Variants in DIP2C observed in about 807,000 individuals in gnomAD.
The protein encoded by DIP2C is disco-interacting protein 2 homolog C.
DIP2C carries 33 observed loss-of-function variants against 192.4 expected under a neutral mutation model. The observed-to-expected ratio is 0.17, with a 90% confidence interval of 0.13 to 0.23. DIP2C has a LOEUF of 0.23. DIP2C is among the 10% of genes least tolerant of loss of function. The probability of loss-of-function intolerance (pLI) is 1.00; values close to 1 mark genes in which losing one functional copy is unlikely to be tolerated. For missense variants in DIP2C, 1,537 were observed against 2,110.1 expected, an observed-to-expected ratio of 0.73 and a Z score of 5.32; for synonymous variants, 979 against 864.1, an observed-to-expected ratio of 1.13 and a Z score of -2.33.
At chr10:646,454 G>A (rs2131967717) in intron 1 of DIP2C, among the ~76,000 whole-genome samples, 1 of 152,342 alleles carries the variant, frequency 6.6e-6, no homozygotes, top group Admixed American at 6.5e-5. Flanking sequence ...GGCAGCAAGA[G>A]GGGACGGGTG....
intron 1 of DIP2C, among the ~76,000 whole-genome samples, chr10:548,927 A>AAAAAAAAAAAAAAAAAAAAAAG (rs1848450607): frequency 6.7e-6 from 1 of 149,620 alleles, no homozygotes; most frequent in Non-Finnish European, 1.5e-5. Context: ...AAAAAAAAAA[A>AAAAAAAAAAAAAAAAAAAAAAG]AAAAAAAAAA....
rs1020234268 is a variant in DIP2C, at chr10:515,549, C to G, written c.86-29019G>C. Among the ~76,000 whole-genome samples the G allele has an allele frequency of 4.6e-5, 7 of 151,988 alleles. No individual in the cohort carries two copies. The East Asian group carries it at 1.2e-3, about 25-fold the overall frequency. ...ACCAGCCTGGCCAATATGGCAAAAC[C>G]CTGTCTCTACTAAAAATTTTTGTAA... is the stretch of plus-strand genomic sequence containing the variant. On this transcript the variant is annotated intron_variant, in intron 1 of 36. Coordinates refer to ENST00000280886, the MANE Select transcript of DIP2C (RefSeq NM_014974.3).
rs72774519 is a variant in DIP2C at position 476,560 on chromosome 10, T to C, written c.158-4011A>G. On this transcript the variant is annotated intron_variant, in intron 2 of 36. Coordinates refer to ENST00000280886, the MANE Select transcript of DIP2C (RefSeq NM_014974.3). ...TGACAAGGAAATGCAGGTGCAGAAG[T>C]GATCCATGAGTGCGAGCGGCCCGGT... Among the ~76,000 whole-genome samples, 443 of 152,318 alleles carry C rather than the reference T, an allele frequency of 2.9e-3. 2 individuals are homozygous for C. Among genetic ancestry groups the C allele is most frequent in the East Asian group, 6.2e-3 (32 of 5,174 alleles).
intron 30 of DIP2C, among the ~76,000 whole-genome samples, chr10:327,898 T>C (rs1957344684): frequency 6.6e-6 from 1 of 152,122 alleles, no homozygotes; most frequent in Admixed American, 6.5e-5. Context: ...GAAAAAGTCA[T>C]ACAGGAATTC....
intron 1 of DIP2C, among the ~76,000 whole-genome samples, chr10:606,282 G>A (rs891942354): frequency 2.6e-5 from 4 of 152,172 alleles, no homozygotes; most frequent in African/African-American, 4.8e-5. Flanking sequence ...CTCTGTCCGA[G>A]GGGGAAGACA....
intron 2 of DIP2C, among the ~76,000 whole-genome samples, chr10:476,045 C>T (rs1266904095): frequency 1.3e-5 from 2 of 152,220 alleles, no homozygotes; most frequent in African/African-American, 4.8e-5. Flanking sequence ...TGATTGAAAA[C>T]CAGCTCTCAG....
chr10:383,011 A>G (rs1050656134), intron 16 of DIP2C, among the ~76,000 whole-genome samples: 5 of 152,216 alleles, frequency 3.3e-5, no homozygotes, highest in African/African-American at 4.8e-5. Flanking sequence ...TACTTTAGTA[A>G]CTTTTCTGAG....
At chr10:462,054 C>T (rs1969825118) in intron 3 of DIP2C, among the ~76,000 whole-genome samples, 1 of 152,092 alleles carries the variant, frequency 6.6e-6, no homozygotes, top group South Asian at 2.1e-4. Flanking sequence ...ATTTATAGCA[C>T]TAAATGCCCA....
intron 1 of DIP2C, among the ~76,000 whole-genome samples, chr10:516,306 C>G (rs1450652160): frequency 2.6e-5 from 1 of 38,610 alleles, no homozygotes; most frequent in African/African-American, 1.2e-4. Flanking sequence ...CATTGATTCT[C>G]TTCCATTAGG....
intron 19 of DIP2C, among the ~76,000 whole-genome samples, chr10:365,346 A>G (rs1270598692): frequency 1.3e-5 from 2 of 152,192 alleles, no homozygotes; most frequent in Non-Finnish European, 2.9e-5. Flanking sequence ...CAGCCTGGAC[A>G]ACAGCATGAG....
At chr10:381,956 TCTC>T (rs1962410918) in intron 17 of DIP2C, among the ~76,000 whole-genome samples, 1 of 152,200 alleles carries the variant, frequency 6.6e-6, no homozygotes, top group African/African-American at 2.4e-5. Flanking sequence ...AGGAGCCTGT[TCTC>T]CTACAACAGC....
intron 1 of DIP2C, among the ~76,000 whole-genome samples, chr10:617,247 T>A (rs919766178): frequency 2.2e-5 from 3 of 137,030 alleles, no homozygotes; most frequent in Admixed American, 8.2e-5. Flanking sequence ...CACATGCCTC[T>A]CTACAAACTT....
intron 1 of DIP2C, among the ~76,000 whole-genome samples, chr10:614,152 G>A (rs190524950): frequency 2.0e-5 from 3 of 152,340 alleles, no homozygotes; most frequent in Admixed American, 2.0e-4. Flanking sequence ...ATGGAGGCAT[G>A]TCAGGTTCCA....
At chr10:471,035 G>A (rs774071758) in intron 3 of DIP2C, among the ~76,000 whole-genome samples, 2 of 152,110 alleles carry the variant, frequency 1.3e-5, no homozygotes, top group East Asian at 1.9e-4. Flanking sequence ...AGGGGCCTCC[G>A]AGACACCCAC....
intron 1 of DIP2C, among the ~76,000 whole-genome samples, chr10:565,690 C>T (rs909259345): frequency 2.6e-5 from 4 of 152,174 alleles, no homozygotes; most frequent in African/African-American, 9.7e-5. Context: ...TCATCAAATG[C>T]ACTTAAATTT....
chr10:507,201 G>A (rs1223736965), intron 1 of DIP2C, among the ~76,000 whole-genome samples: 3 of 151,600 alleles, frequency 2.0e-5, no homozygotes, highest in African/African-American at 7.3e-5. Context: ...AGAAGCTTTT[G>A]AGGTTAGGGA....
chr10:335,318 G>A (rs867479267), intron 29 of DIP2C, among the ~76,000 whole-genome samples: 20 of 152,156 alleles, frequency 1.3e-4, no homozygotes, highest in Admixed American at 6.5e-4. Flanking sequence ...GACCTGATGC[G>A]TAATCCCAGA....
In DIP2C at chr10:599,121, A is replaced by G. The variant is rs564168983; in HGVS notation, c.85+90373T>C. On this transcript the variant is annotated intron_variant, in intron 1 of 36. Transcript: ENST00000280886. ...AGCCACTCTCCCAGCGTGGGAGCCA[A>G]GTTAGAGACCCAGAAACCCCAGCGT... Among the ~76,000 whole-genome samples, 5 of 152,288 alleles carry G rather than the reference A, an allele frequency of 3.3e-5. No individual in the cohort carries two copies. The South Asian group carries it at 8.3e-4, about 25-fold the overall frequency.
At chr10:456,248 T>C (rs112467979) in intron 3 of DIP2C, among the ~76,000 whole-genome samples, 87 of 95,032 alleles carry the variant, frequency 9.2e-4, no homozygotes, top group South Asian at 1.2e-3. Context: ...CCGTGAGGAG[T>C]AAATGAGATG....
Sources: allele counts gnomAD v4.1 joint callset (sites outside exome capture counted in the v4.1 genomes callset), GRCh38; gene constraint gnomAD v4.1.1; transcripts MANE v1.5; gene names NCBI Gene and HGNC (gene_info 2026-07-23, HGNC 2026-07-21).